The following ERICH1 variants were observed in gnomAD, a reference collection of about 807,000 sequenced individuals.
ERICH1 encodes glutamate-rich protein 1.
In ERICH1, 56 loss-of-function variants were observed where a neutral mutation model predicts 39.6. The ratio of observed to expected loss-of-function variants is 1.41; its 90% CI spans 1.14 to 1.77. The LOEUF is 1.77. ERICH1 is among the 40% of genes most tolerant of loss of function. ERICH1 has a pLI of 0.00. For missense variants in ERICH1, 826 were observed against 575.4 expected (o/e 1.44, Z -4.45); for synonymous variants, 313 against 223.6 (o/e 1.40, Z -3.57).
In ERICH1 at chr8:673,820, C is replaced by T. The variant is rs147438220; in HGVS notation, c.532G>A (p.Gly178Ser). Residue 178 changes from glycine (G) to serine (S), a missense_variant, in exon 4 of 6, where the codon GGC becomes AGC. Physicochemically the swap from Gly to Ser is moderately conservative, Grantham distance 56 (BLOSUM62 0). Coordinates refer to ENST00000262109, the MANE Select transcript of ERICH1 (RefSeq NM_207332.3). ...ACACCAGCAGCCTTTGCTGCCAAGC[C>T]GGCTGCTTTCTTCCTTTTAATTTGC... ...KQQIKRKKAA[G>S]LAAKAAGVSF... 78 of 1,614,050 alleles carry T rather than the reference C, an allele frequency of 4.8e-5. No individual in the cohort carries two copies. Among genetic ancestry groups the T allele is most frequent in the African/African-American group, 8.0e-5 (6 of 74,962 alleles).
intron 2 of ERICH1, among the ~76,000 whole-genome samples, chr8:701,969 C>A (rs181922005): frequency 2.0e-5 from 3 of 147,962 alleles, no homozygotes; most frequent in Non-Finnish European, 4.4e-5. Context: ...GGGCGCTACT[C>A]GGGAGGCTGA....
chr8:645,458 A>G lies in ERICH1; in HGVS notation c.976+23140T>C, dbSNP rs1197018579. Among the ~76,000 whole-genome samples the G allele has an allele frequency of 2.9e-5, 2 of 68,686 alleles. 1 individual carries two copies. The highest frequency in any genetic ancestry group is 7.3e-5 in the African/African-American group (2 of 27,214). The allele number at this position is 68,686 out of a possible 152,430, so 45.1% of individuals were successfully genotyped here. Reference sequence around the variant, plus strand: ...TGCCTGATACTGTGCTTGAAAAGGTAAATCTCTTGAACTTTATGGCAGACA... The same window carrying G: ...TGCCTGATACTGTGCTTGAAAAGGTGAATCTCTTGAACTTTATGGCAGACA... On this transcript the variant is annotated intron_variant, in intron 3 of 3. Coordinates refer to the ERICH1 transcript ENST00000522706.
intron 3 of ERICH1, among the ~76,000 whole-genome samples, chr8:676,779 T>C (rs548746185): frequency 6.6e-6 from 1 of 152,308 alleles, no homozygotes; most frequent in South Asian, 2.1e-4. Context: ...CTATAAAGCT[T>C]GCCGCTGCAC....
intron 3 of ERICH1, among the ~76,000 whole-genome samples, chr8:622,269 T>C (rs530978697): frequency 6.6e-6 from 1 of 152,232 alleles, no homozygotes; most frequent in South Asian, 2.1e-4. Flanking sequence ...GTCTGAATGT[T>C]TGTATCCACC....
chr8:620,300 A>C (rs964638534), intron 3 of ERICH1, among the ~76,000 whole-genome samples: 11 of 152,256 alleles, frequency 7.2e-5, no homozygotes, highest in African/African-American at 2.7e-4. Context: ...CAACAGAGTG[A>C]GACTCTGTCT....
intron 2 of ERICH1, among the ~76,000 whole-genome samples, chr8:708,696 T>TTTTTTGTTTTTTTTTTTTTTG (rs1563319654): frequency 1.4e-5 from 2 of 138,258 alleles, no homozygotes; most frequent in Non-Finnish European, 3.1e-5. Context: ...TTTTTTTTTT[T>TTTTTTGTTTTTTTTTTTTTTG]TTTTTTTTTT....
At chr8:681,650 T>C (rs1330776626) in intron 3 of ERICH1, among the ~76,000 whole-genome samples, 1 of 152,220 alleles carries the variant, frequency 6.6e-6, no homozygotes, top group Non-Finnish European at 1.5e-5. Flanking sequence ...TGTTGAGCTT[T>C]GGTTCATTCA....
chr8:688,873 C>A (rs1669665), intron 3 of ERICH1, among the ~76,000 whole-genome samples: 77,516 of 151,988 alleles, frequency 0.51, 19,675 homozygotes, highest in Middle Eastern at 0.61. Flanking sequence ...ATTTTTCTAG[C>A]GCTGAACTCT....
At chr8:730,927 G>A (rs1342791250) in intron 1 of ERICH1, among the ~76,000 whole-genome samples, 1 of 152,156 alleles carries the variant, frequency 6.6e-6, no homozygotes, top group Non-Finnish European at 1.5e-5. Flanking sequence ...GGCCCGACCA[G>A]CAGCCATGCA....
At chr8:674,092 C>A in intron 3 of ERICH1, 45 bp from the exon 4 acceptor site, 1 of 1,492,962 alleles carries the variant, frequency 6.7e-7, no homozygotes, top group South Asian at 1.4e-5. Context: ...ACAATGAAAC[C>A]ATAACAAACA....
chr8:704,840 C>T (rs1812902862), intron 2 of ERICH1, among the ~76,000 whole-genome samples: 1 of 152,126 alleles, frequency 6.6e-6, no homozygotes, highest in African/African-American at 2.4e-5. Flanking sequence ...TACCCAGGAG[C>T]AGCCACTGCA....
downstream of ERICH1, chr8:664,081 G>A: frequency 1.0e-5 from 3 of 293,110 alleles, no homozygotes; most frequent in Non-Finnish European, 1.5e-5. Flanking sequence ...TTAACACTTA[G>A]TAATACCAAG....
intron 3 of ERICH1, among the ~76,000 whole-genome samples, chr8:649,892 G>C (rs1380368484): frequency 1.3e-5 from 2 of 152,228 alleles, no homozygotes; most frequent in East Asian, 1.9e-4. Context: ...AGTGGCCCCA[G>C]GTTGGGAGGA....
chr8:695,011 G>A lies in ERICH1; in HGVS notation c.170-2399C>T, dbSNP rs554845553. Among the ~76,000 whole-genome samples, 29 of 152,226 alleles carry A rather than the reference G, an allele frequency of 1.9e-4. 1 individual carries two copies. The South Asian group carries it at 5.8e-3, about 30-fold the overall frequency. ...AAGTCACAAGCACCAGCATCCCTCGGGAAAGGCAGAGGGGCGTGGTGGCTC... is the reference window on the plus strand; with the variant it reads ...AAGTCACAAGCACCAGCATCCCTCGAGAAAGGCAGAGGGGCGTGGTGGCTC... On this transcript the variant is annotated intron_variant, in intron 2 of 5. Transcript: ENST00000262109.
chr8:643,663 T>C (rs1419683587), intron 3 of ERICH1, among the ~76,000 whole-genome samples: 1 of 152,188 alleles, frequency 6.6e-6, no homozygotes, highest in Non-Finnish European at 1.5e-5. Flanking sequence ...CTCGGGACTC[T>C]GAGCGATGGG....
intron 1 of ERICH1, among the ~76,000 whole-genome samples, chr8:719,826 C>T (rs1375136614): frequency 6.6e-6 from 1 of 152,218 alleles, no homozygotes; most frequent in African/African-American, 2.4e-5. Context: ...TCACCCTGTA[C>T]TGTCCGGATA....
At chr8:660,600 T>C (rs1801283968), downstream of ERICH1, among the ~76,000 whole-genome samples, 2 of 152,244 alleles carry the variant, frequency 1.3e-5, no homozygotes, top group African/African-American at 4.8e-5. Context: ...AGGCGGCAAA[T>C]GGTGTCGTTT....
intron 3 of ERICH1, among the ~76,000 whole-genome samples, chr8:624,950 TC>T (rs1399148045): frequency 6.6e-6 from 1 of 152,000 alleles, no homozygotes; most frequent in Non-Finnish European, 1.5e-5. Context: ...ATGGTCTTGA[TC>T]TCCTGACCTC....
chr8:637,343 G>C (rs764114798), intron 3 of ERICH1, among the ~76,000 whole-genome samples: 13 of 152,234 alleles, frequency 8.5e-5, no homozygotes, highest in South Asian at 2.1e-4. Context: ...AGCTGTGCCT[G>C]ATTCTGCGGC....
Sources: allele counts gnomAD v4.1 joint callset (sites outside exome capture counted in the v4.1 genomes callset), GRCh38; gene constraint gnomAD v4.1.1; transcripts MANE v1.5; gene names NCBI Gene and HGNC (gene_info 2026-07-23, HGNC 2026-07-21).